GABRB1: variants seen among roughly 807,000 people sequenced by gnomAD.
GABRB1 encodes gamma-aminobutyric acid receptor subunit beta-1.
In GABRB1, 17 loss-of-function variants were observed where a neutral mutation model predicts 51.6. The observed-to-expected ratio is 0.33, with a 90% CI of 0.23 to 0.49. The LOEUF (loss-of-function observed/expected upper bound fraction) is 0.49, where lower values mean the gene tolerates loss of function less well. GABRB1 is among the 20% of genes least tolerant of loss of function. The probability of loss-of-function intolerance (pLI) is 0.99; values close to 1 mark genes in which losing one functional copy is unlikely to be tolerated. For missense variants in GABRB1, 410 were observed against 600.6 expected, an observed-to-expected ratio of 0.68 and a Z score of 3.32; for synonymous variants, 247 against 218.9, an observed-to-expected ratio of 1.13 and a Z score of -1.14.
chr4:47,077,825 AAT>A lies in GABRB1; in HGVS notation c.240+45348_240+45349del, dbSNP rs1179527211. 4.9e-4 allele frequency among the ~76,000 whole-genome samples: 69 copies of A among 141,550 alleles called. 1 individual carries two copies. The highest frequency in any genetic ancestry group is 1.7e-3 in the African/African-American group (67 of 38,632). 92.9% of individuals were successfully genotyped at this position (141,550 alleles called of 152,430 possible). On this transcript the variant is annotated intron_variant, in intron 3 of 8. Transcript: ENST00000295454. The stretch of plus-strand genomic sequence containing the variant: ...TAATTAGAAACATATAAAAAAATAT[AAT>A]ATATATTATATATTTTATATATATT...
intron 3 of GABRB1, among the ~76,000 whole-genome samples, chr4:47,153,049 C>T (rs777492788): frequency 6.6e-5 from 10 of 151,858 alleles, no homozygotes; most frequent in Admixed American, 2.6e-4. Context: ...ATTTCACGCA[C>T]GGAGCTGGTT....
chr4:47,185,029 C>A (rs766502666), intron 4 of GABRB1, among the ~76,000 whole-genome samples: 3 of 151,826 alleles, frequency 2.0e-5, no homozygotes, highest in Non-Finnish European at 2.9e-5. Flanking sequence ...CCACATATAT[C>A]GGATTTCACT....
chr4:47,059,071 C>T (rs940931701), intron 3 of GABRB1, among the ~76,000 whole-genome samples: 7 of 152,270 alleles, frequency 4.6e-5, no homozygotes, highest in Admixed American at 1.3e-4. Flanking sequence ...AACTTCAATT[C>T]GGTTGGTACA....
At chr4:47,133,399 G>A (rs975271458) in intron 3 of GABRB1, among the ~76,000 whole-genome samples, 1 of 152,146 alleles carries the variant, frequency 6.6e-6, no homozygotes, top group Non-Finnish European at 1.5e-5. Context: ...AAAGCAAACT[G>A]TAGCAATGAA....
chr4:47,420,415 C>T (rs1729055935), intron 8 of GABRB1, among the ~76,000 whole-genome samples: 1 of 152,126 alleles, frequency 6.6e-6, no homozygotes, highest in African/African-American at 2.4e-5. Flanking sequence ...AATTATCCCA[C>T]AGAAGAGTTC....
chr4:47,016,475 C>T (rs536136663), intron 1 of GABRB1, among the ~76,000 whole-genome samples: 2 of 152,192 alleles, frequency 1.3e-5, no homozygotes, highest in Non-Finnish European at 2.9e-5. Flanking sequence ...CATAGAATTG[C>T]TTAATAATTT....
At chr4:46,998,732 T>TA (rs1031492003) in intron 1 of GABRB1, among the ~76,000 whole-genome samples, 7,610 of 66,020 alleles carry the variant, frequency 0.12, 494 homozygotes, top group Admixed American at 0.24. Flanking sequence ...AGACTCTGTC[T>TA]AAAAAAAAAA....
intron 3 of GABRB1, among the ~76,000 whole-genome samples, chr4:47,154,847 T>C (rs1717620269): frequency 1.3e-5 from 2 of 152,078 alleles, no homozygotes; most frequent in Non-Finnish European, 2.9e-5. Flanking sequence ...CTCCATTTTC[T>C]TTCTTTCTCT....
At chr4:47,228,970 C>T (rs1721046234) in intron 4 of GABRB1, among the ~76,000 whole-genome samples, 1 of 152,256 alleles carries the variant, frequency 6.6e-6, no homozygotes, top group African/African-American at 2.4e-5. Flanking sequence ...CAAACAGCCA[C>T]CATGTAGAGA....
At chr4:47,160,113 C>T (rs1717873729) in intron 3 of GABRB1, among the ~76,000 whole-genome samples, 1 of 152,054 alleles carries the variant, frequency 6.6e-6, no homozygotes, top group Non-Finnish European at 1.5e-5. Context: ...CCATCCCTTC[C>T]AGCAACTTGA....
At chr4:47,083,481 T>C (rs948087680) in intron 3 of GABRB1, among the ~76,000 whole-genome samples, 3 of 152,162 alleles carry the variant, frequency 2.0e-5, no homozygotes, top group Non-Finnish European at 4.4e-5. Flanking sequence ...CCCAAGAGTA[T>C]ATATTCTTCC....
At chr4:47,008,495 C>T (rs73247622) in intron 1 of GABRB1, among the ~76,000 whole-genome samples, 11,510 of 150,436 alleles carry the variant, frequency 0.077, 519 homozygotes, top group South Asian at 0.16. Flanking sequence ...TGGAGTCTCA[C>T]TCTTTTGCCC....
chr4:47,346,880 A>G (rs879863741), intron 5 of GABRB1, among the ~76,000 whole-genome samples: 4 of 152,204 alleles, frequency 2.6e-5, no homozygotes, highest in Non-Finnish European at 5.9e-5. Context: ...ATTTTGTACC[A>G]GCAGCCTCAT....
chr4:47,207,272 C>G (rs1288130813), intron 4 of GABRB1, among the ~76,000 whole-genome samples: 2 of 151,964 alleles, frequency 1.3e-5, no homozygotes, highest in Non-Finnish European at 2.9e-5. Flanking sequence ...CTCTCTGTTT[C>G]TCTTTTCTCT....
chr4:47,323,646 G>A (rs542559131), intron 5 of GABRB1, among the ~76,000 whole-genome samples: 3 of 152,256 alleles, frequency 2.0e-5, no homozygotes, highest in Non-Finnish European at 2.9e-5. Flanking sequence ...TGAACCAATC[G>A]TACGTTTGTG....
At chr4:47,253,162 C>A (rs1470397195) in intron 4 of GABRB1, among the ~76,000 whole-genome samples, 1 of 152,110 alleles carries the variant, frequency 6.6e-6, no homozygotes, top group Non-Finnish European at 1.5e-5. Flanking sequence ...GGCCTTTTGG[C>A]TCTTGAACAG....
chr4:47,288,453 TG>T (rs1356679637), intron 4 of GABRB1, among the ~76,000 whole-genome samples: 1 of 151,890 alleles, frequency 6.6e-6, no homozygotes, highest in African/African-American at 2.4e-5. Context: ...TAGTAGAGAC[TG>T]GGTTTCACCA....
intron 1 of GABRB1, among the ~76,000 whole-genome samples, chr4:46,995,354 T>C (rs1449995935): frequency 6.6e-6 from 1 of 152,140 alleles, no homozygotes; most frequent in Admixed American, 6.6e-5. Flanking sequence ...ATTTCTCTAA[T>C]CTTAATACTT....
In GABRB1 at chr4:47,224,138, A is replaced by G. The variant is rs572385528; in HGVS notation, c.461+62669A>G. Among the ~76,000 whole-genome samples the G allele has an allele frequency of 1.7e-4, 25 of 150,862 alleles. No individual in the cohort carries two copies. In the East Asian group the frequency reaches 4.9e-3, roughly 29 times the overall value. On this transcript the variant is annotated intron_variant, in intron 4 of 8. Transcript: ENST00000295454. The stretch of plus-strand genomic sequence containing the variant: ...CTCCCAGAAAATAGAAAAGAATGAA[A>G]AGCCCTCTCACCACTATTTTGTTTC...
Sources: gnomAD v4.1 joint callset for allele counts (sites outside exome capture counted in the v4.1 genomes callset) on GRCh38, gnomAD v4.1.1 for gene constraint, MANE v1.5 for transcripts, NCBI Gene and HGNC (gene_info 2026-07-23, HGNC 2026-07-21) for gene names.